Variants in ZNF185 observed in about 807,000 individuals in gnomAD.
ZNF185 encodes the protein zinc finger protein 185.
ZNF185 carries 56 observed loss-of-function variants against 58.6 expected under a neutral mutation model. That is an observed-to-expected ratio of 0.95 (90% CI 0.77 to 1.19). The LOEUF is 1.19. Ranked by LOEUF, ZNF185 falls within the 50% of genes most tolerant of loss-of-function variation. The probability of loss-of-function intolerance (pLI) is 0.00; values close to 1 mark genes in which losing one functional copy is unlikely to be tolerated. For missense variants in ZNF185, 627 were observed against 573.5 expected (o/e 1.09, Z -0.95); for synonymous variants, 230 against 215.9 (o/e 1.07, Z -0.57).
At chrX:152,931,799 C>T (rs1556877687) in intron 13 of ZNF185, 23 bp downstream of exon 14, 1 of 1,163,015 alleles carries the variant, frequency 8.6e-7, no homozygotes, top group Non-Finnish European at 1.2e-6. Context: ...AGGAAGCAGA[C>T]ACTTCATTCC....
chrX:152,901,269 T>A, the ZNF185 span, among the ~76,000 whole-genome samples: 2 of 101,754 alleles, frequency 2.0e-5, no homozygotes, highest in Non-Finnish European at 4.0e-5. Flanking sequence ...AGAGCTGGGG[T>A]CTCGCCTTGT....
At chrX:152,903,615 G>A in the ZNF185 span, among the ~76,000 whole-genome samples, 1 of 110,243 alleles carries the variant, frequency 9.1e-6, no homozygotes, top group African/African-American at 3.3e-5. Context: ...TGCAGGATGA[G>A]GGGTACAGAA....
chrX:152,959,362 G>A (rs1443308034), intron 16 of ZNF185, among the ~76,000 whole-genome samples: 1 of 112,601 alleles, frequency 8.9e-6, no homozygotes, highest in African/African-American at 3.2e-5. Context: ...TAGAGAGGCC[G>A]GAGGCGGGAA....
intron 15 of ZNF185, among the ~76,000 whole-genome samples, chrX:152,942,810 G>C (rs1317183450): frequency 1.8e-5 from 2 of 111,449 alleles, no homozygotes; most frequent in Admixed American, 1.9e-4. Context: ...CAGTACAAGG[G>C]TGGAAGTGTC....
At chrX:152,903,336 C>T in the ZNF185 span, among the ~76,000 whole-genome samples, 1 of 87,846 alleles carries the variant, frequency 1.1e-5, no homozygotes, top group African/African-American at 4.6e-5. Context: ...TTGCAGTGAG[C>T]CAAGACTATG....
chrX:152,941,659 G>A lies in ZNF185; in HGVS notation c.1211+3496G>A, dbSNP rs782737547. Reference sequence around the variant, plus strand: ...GTAGGCCGCCATTTCTTGAAGCCCCGAACTCGGTCGCAGTGCCCGCCGGGA... The same window carrying A: ...GTAGGCCGCCATTTCTTGAAGCCCCAAACTCGGTCGCAGTGCCCGCCGGGA... On this transcript the variant is annotated intron_variant, in intron 15 of 22. Coordinates refer to ENST00000449285, the Ensembl canonical transcript of ZNF185. 5 of 1,159,332 alleles carry A rather than the reference G, an allele frequency of 4.3e-6. No individual in the cohort carries two copies. The South Asian group carries it at 9.6e-5, about 22-fold the overall frequency.
chrX:152,960,868 A>T (rs1309860256), intron 17 of ZNF185, among the ~76,000 whole-genome samples: 1 of 111,757 alleles, frequency 8.9e-6, no homozygotes, highest in Non-Finnish European at 1.9e-5. Context: ...TGATTTGATG[A>T]CATTTTACCC....
chrX:152,940,219 G>A (rs1556887852), intron 15 of ZNF185, among the ~76,000 whole-genome samples: 3 of 111,075 alleles, frequency 2.7e-5, no homozygotes, highest in Non-Finnish European at 1.9e-5. Context: ...CCAAATGTTA[G>A]GACTATGACC....
intron 15 of ZNF185, among the ~76,000 whole-genome samples, chrX:152,942,226 C>T (rs782737998): frequency 3.6e-4 from 40 of 112,098 alleles, no homozygotes; most frequent in Non-Finnish European, 7.3e-4. Context: ...TTTTAACTGT[C>T]CCAAACTGTG....
At chrX:152,956,632 G>A (rs1245080387) in intron 16 of ZNF185, among the ~76,000 whole-genome samples, 6 of 111,682 alleles carry the variant, frequency 5.4e-5, no homozygotes, top group African/African-American at 2.0e-4. Context: ...CCAGCTACTC[G>A]GGAGGCTAAG....
At chrX:152,901,863 A>G in the ZNF185 span, among the ~76,000 whole-genome samples, 2 of 111,648 alleles carry the variant, frequency 1.8e-5, no homozygotes, top group Non-Finnish European at 3.8e-5. Flanking sequence ...TGTGGGTATC[A>G]CTCTCAATGT....
chrX:152,902,311 C>A, the ZNF185 span, among the ~76,000 whole-genome samples: 1 of 112,334 alleles, frequency 8.9e-6, no homozygotes, highest in Non-Finnish European at 1.9e-5. Context: ...GTCCGGGCCC[C>A]TTGGTCTAGT....
chrX:152,928,168 G>A (rs782105709), intron 11 of ZNF185, among the ~76,000 whole-genome samples: 1 of 112,061 alleles, frequency 8.9e-6, no homozygotes, highest in Non-Finnish European at 1.9e-5. Context: ...TGGTCTGTGG[G>A]TTTTCTCAGT....
intron 16 of ZNF185, among the ~76,000 whole-genome samples, chrX:152,947,948 G>C (rs1331750779): frequency 7.1e-5 from 8 of 111,943 alleles, no homozygotes; most frequent in African/African-American, 2.3e-4. Context: ...TAAAACCCTA[G>C]CTGAATATAT....
intron 15 of ZNF185, among the ~76,000 whole-genome samples, chrX:152,943,091 A>G (rs2047414288): frequency 9.1e-6 from 1 of 110,181 alleles, no homozygotes; most frequent in Non-Finnish European, 1.9e-5. Flanking sequence ...TGCAACCTCT[A>G]CCTCCTGGGC....
intron 15 of ZNF185, among the ~76,000 whole-genome samples, 177 bp from the exon 18 acceptor site, chrX:152,945,090 C>T (rs879147): frequency 0.032 from 3,593 of 112,860 alleles, 134 homozygotes; most frequent in African/African-American, 0.11. Flanking sequence ...GGGCTCCTGC[C>T]AAGGAGGAGA....
Position 152,922,270 on chromosome X carries a change from C to A in ZNF185, c.740+14C>A. ...TGGCTCAAACAGGTAATCCATTGCG[C>A]TCATCTCTGCCTGGGGCTGGTGGCT... On this transcript the variant is annotated intron_variant, in intron 10 of 22. Transcript: ENST00000449285. 8.6e-7 allele frequency: 1 copy of A among 1,165,131 alleles called. No individual in the cohort carries two copies. Among genetic ancestry groups the A allele is most frequent in the African/African-American group, 1.8e-5 (1 of 56,438 alleles).
At chrX:152,933,386 T>C (rs948542329) in intron 14 of ZNF185, among the ~76,000 whole-genome samples, 1 of 112,320 alleles carries the variant, frequency 8.9e-6, no homozygotes, top group Non-Finnish European at 1.9e-5. Context: ...AGGAGGCCCT[T>C]TGCTCCTGCT....
intron 7 of ZNF185, 73 bp from the exon 9 acceptor site, chrX:152,920,255 A>G (rs952603051): frequency 4.5e-6 from 5 of 1,108,247 alleles, no homozygotes; most frequent in Non-Finnish European, 6.1e-6. Context: ...CCCCGAGTCC[A>G]TCCCAGGCTA....
Sources: gnomAD v4.1 joint callset for allele counts (sites outside exome capture counted in the v4.1 genomes callset) on GRCh38, gnomAD v4.1.1 for gene constraint, MANE v1.5 for transcripts, NCBI Gene and HGNC (gene_info 2026-07-23, HGNC 2026-07-21) for gene names.